RAVER2: variants seen among roughly 807,000 people sequenced by gnomAD.
The protein encoded by RAVER2 is ribonucleoprotein PTB-binding 2.
A neutral mutation model predicts 78.1 loss-of-function variants in RAVER2; 46 were observed. The ratio of observed to expected loss-of-function variants is 0.59; its 90% CI spans 0.46 to 0.75. The LOEUF (loss-of-function observed/expected upper bound fraction) is 0.75, where lower values mean the gene tolerates loss of function less well. Ranked by LOEUF, RAVER2 falls within the 30% of genes least tolerant of loss-of-function variation. The probability of loss-of-function intolerance (pLI) is 0.00; values close to 1 mark genes in which losing one functional copy is unlikely to be tolerated. For missense variants in RAVER2, 793 were observed against 837.5 expected (o/e 0.95, Z 0.66); for synonymous variants, 311 against 313.3 (o/e 0.99, Z 0.08).
In RAVER2 at chr1:64,780,079, T is replaced by TA. The variant is rs11324364; in HGVS notation, c.787-1292dup. On this transcript the variant is annotated intron_variant, in intron 3 of 11. Coordinates refer to ENST00000294428, the Ensembl canonical transcript of RAVER2. ...AGATCATTATAATGAAATAGAATAGTAAAAAAAAATTTTTAAGTTTTCAAA... is the reference window on the plus strand; with the variant it reads ...AGATCATTATAATGAAATAGAATAGTAAAAAAAAAATTTTTAAGTTTTCAAA... 1.7e-4 allele frequency among the ~76,000 whole-genome samples: 26 copies of TA among 151,876 alleles called. No homozygotes were observed. The East Asian group carries it at 4.8e-3, about 28-fold the overall frequency.
intron 5 of RAVER2, among the ~76,000 whole-genome samples, chr1:64,791,874 T>A (rs1363400854): frequency 6.6e-6 from 1 of 152,194 alleles, no homozygotes; most frequent in Non-Finnish European, 1.5e-5. Flanking sequence ...AATAAAAGCC[T>A]CCTAATATTT....
chr1:64,817,444 A>T (rs955091566), intron 11 of RAVER2, among the ~76,000 whole-genome samples: 2 of 152,204 alleles, frequency 1.3e-5, no homozygotes, highest in Non-Finnish European at 2.9e-5. Flanking sequence ...CTATGAAGAC[A>T]CATGCACACG....
intron 2 of RAVER2, among the ~76,000 whole-genome samples, chr1:64,771,606 T>A (rs1056843044): frequency 2.6e-5 from 4 of 151,974 alleles, no homozygotes; most frequent in African/African-American, 4.8e-5. Context: ...TTGTAACACA[T>A]GTAGAAATAA....
At chr1:64,746,090 C>T (rs1651529222) in intron 1 of RAVER2, among the ~76,000 whole-genome samples, 1 of 152,226 alleles carries the variant, frequency 6.6e-6, no homozygotes, top group Non-Finnish European at 1.5e-5. Context: ...GATAGCTACT[C>T]TGTGTATTTA....
chr1:64,803,291 T>C, intron 6 of RAVER2, among the ~76,000 whole-genome samples: 1 of 152,188 alleles, frequency 6.6e-6, no homozygotes, highest in East Asian at 1.9e-4. Context: ...TTCCAATTTG[T>C]ATGGCATTAA....
intron 1 of RAVER2, among the ~76,000 whole-genome samples, chr1:64,760,104 G>GGAAA (rs1553151868): frequency 7.1e-6 from 1 of 140,750 alleles, no homozygotes; most frequent in African/African-American, 2.8e-5. Flanking sequence ...GTTGTGATGT[G>GGAAA]GAAAAAAAAA....
At chr1:64,764,262 T>C (rs927405228) in intron 1 of RAVER2, among the ~76,000 whole-genome samples, 1 of 151,794 alleles carries the variant, frequency 6.6e-6, no homozygotes, top group African/African-American at 2.4e-5. Flanking sequence ...GAAGTTGATA[T>C]ATGAGAGAGA....
chr1:64,779,485 C>T (rs1251142223), intron 3 of RAVER2, among the ~76,000 whole-genome samples: 1 of 151,974 alleles, frequency 6.6e-6, no homozygotes, highest in Admixed American at 6.6e-5. Flanking sequence ...CTTCTTGTCT[C>T]AGCCTCCCAA....
chr1:64,828,425 T>C (rs933071028), intron 11 of RAVER2, among the ~76,000 whole-genome samples: 5 of 151,918 alleles, frequency 3.3e-5, no homozygotes, highest in Non-Finnish European at 7.4e-5. Context: ...GAAGGAAAAA[T>C]ATTTGCTAAC....
intron 9 of RAVER2, among the ~76,000 whole-genome samples, chr1:64,809,683 A>G (rs948398749): frequency 1.3e-5 from 2 of 151,840 alleles, no homozygotes; most frequent in African/African-American, 4.8e-5. Flanking sequence ...ATTGTTGTGC[A>G]GCATCATTAC....
At chr1:64,800,240 G>A (rs768175980) in intron 5 of RAVER2, among the ~76,000 whole-genome samples, 6 of 151,476 alleles carry the variant, frequency 4.0e-5, no homozygotes, top group South Asian at 4.2e-4. Flanking sequence ...CAAGTTGTAC[G>A]TGTTCACCCT....
chr1:64,786,652 G>C lies in RAVER2; in HGVS notation c.979-2736G>C, dbSNP rs193102216. ...CTAAAAATGCAAAAAACTTAGCCAG[G>C]TGCGGTGGCAAGCACCTATAATCCC... On this transcript the variant is annotated intron_variant, in intron 4 of 11. Transcript: ENST00000294428. Among the ~76,000 whole-genome samples, 347 of 152,272 alleles carry C rather than the reference G, an allele frequency of 2.3e-3. 2 individuals carry two copies. Among genetic ancestry groups the C allele is most frequent in the African/African-American group, 7.9e-3 (330 of 41,564 alleles).
intron 11 of RAVER2, among the ~76,000 whole-genome samples, chr1:64,825,218 C>A (rs1415266821): frequency 6.6e-6 from 1 of 151,848 alleles, no homozygotes; most frequent in Admixed American, 6.6e-5. Context: ...ATGTTTAATG[C>A]AGAAATAATG....
intron 1 of RAVER2, among the ~76,000 whole-genome samples, chr1:64,764,853 C>T (rs1652129188): frequency 6.6e-6 from 1 of 152,170 alleles, no homozygotes; most frequent in Non-Finnish European, 1.5e-5. Context: ...TGAAGTCCTC[C>T]TCTCCCCAAC....
At chr1:64,750,502 G>A (rs949968424) in intron 1 of RAVER2, among the ~76,000 whole-genome samples, 12 of 151,548 alleles carry the variant, frequency 7.9e-5, no homozygotes, top group Middle Eastern at 6.8e-3. Context: ...GTAGAGACAC[G>A]GTCTCTCTAT....
intron 9 of RAVER2, among the ~76,000 whole-genome samples, chr1:64,809,617 A>G (rs1260078889): frequency 6.6e-6 from 1 of 152,194 alleles, no homozygotes; most frequent in Admixed American, 6.5e-5. Flanking sequence ...AAATATACAT[A>G]ACATACAATT....
chr1:64,779,214 A>G (rs1218358094), intron 3 of RAVER2, among the ~76,000 whole-genome samples: 1 of 151,942 alleles, frequency 6.6e-6, no homozygotes, highest in Non-Finnish European at 1.5e-5. Context: ...ATGTTGTCCA[A>G]AAGATCTTTT....
intron 4 of RAVER2, among the ~76,000 whole-genome samples, chr1:64,787,784 C>T (rs913632916): frequency 6.6e-6 from 1 of 152,196 alleles, no homozygotes; most frequent in Non-Finnish European, 1.5e-5. Context: ...AAAGTAGTTA[C>T]ACAACTCAAA....
intron 9 of RAVER2, among the ~76,000 whole-genome samples, chr1:64,812,213 T>C (rs944084163): frequency 4.0e-5 from 6 of 151,652 alleles, no homozygotes; most frequent in Non-Finnish European, 8.8e-5. Context: ...TATAAAAAAA[T>C]TAGCCAGGCA....
Sources: allele counts gnomAD v4.1 joint callset (sites outside exome capture counted in the v4.1 genomes callset), GRCh38; gene constraint gnomAD v4.1.1; transcripts MANE v1.5; gene names NCBI Gene and HGNC (gene_info 2026-07-23, HGNC 2026-07-21).